TENM2: variants seen among roughly 807,000 people sequenced by gnomAD.
TENM2 encodes the protein teneurin transmembrane protein 2, also known as teneurin-2.
Under a neutral mutation model 245.2 loss-of-function variants are expected in TENM2, and 52 were observed. The observed-to-expected ratio is 0.21, with a 90% CI of 0.17 to 0.27. The LOEUF is 0.27. TENM2 is among the 10% of genes least tolerant of loss of function. TENM2 has a pLI of 1.00. For missense variants in TENM2, 3,046 were observed against 3,666.8 expected, an observed-to-expected ratio of 0.83 and a Z score of 4.37; for synonymous variants, 1,363 against 1,438.9, an observed-to-expected ratio of 0.95 and a Z score of 1.19.
intron 2 of TENM2, among the ~76,000 whole-genome samples, chr5:167,432,762 G>A (rs745673809): frequency 2.0e-5 from 3 of 151,626 alleles, no homozygotes; most frequent in East Asian, 1.9e-4. Context: ...CATTTCCACC[G>A]CACATCTGAG....
At chr5:167,838,923 G>T (rs1010831836) in intron 2 of TENM2, among the ~76,000 whole-genome samples, 1 of 152,162 alleles carries the variant, frequency 6.6e-6, no homozygotes, top group Non-Finnish European at 1.5e-5. Flanking sequence ...GGCTGAGACC[G>T]CAGGGCGTGG....
chr5:167,909,091 A>C (rs1461417445), intron 3 of TENM2, among the ~76,000 whole-genome samples: 1 of 148,734 alleles, frequency 6.7e-6, no homozygotes, highest in Admixed American at 6.7e-5. Flanking sequence ...TTTTAGTAAA[A>C]ATTGAACCAG....
At chr5:167,509,597 A>C (rs993400396) in intron 2 of TENM2, among the ~76,000 whole-genome samples, 19 of 152,152 alleles carry the variant, frequency 1.2e-4, no homozygotes, top group Admixed American at 1.2e-3. Context: ...GGAATCTAAT[A>C]ATTTGAGGTT....
At chr5:167,385,119 G>A (rs897607685) in intron 2 of TENM2, among the ~76,000 whole-genome samples, 1 of 152,104 alleles carries the variant, frequency 6.6e-6, no homozygotes, top group African/African-American at 2.4e-5. Context: ...CTTTGCACAA[G>A]GAAAGAAGTC....
At chr5:167,301,821 G>A (rs1011181387) in intron 1 of TENM2, among the ~76,000 whole-genome samples, 1 of 152,124 alleles carries the variant, frequency 6.6e-6, no homozygotes, top group African/African-American at 2.4e-5. Flanking sequence ...CTTTTTAAGA[G>A]TAAATTGCTG....
intron 2 of TENM2, among the ~76,000 whole-genome samples, chr5:167,667,995 A>G (rs928061070): frequency 2.0e-5 from 3 of 152,228 alleles, no homozygotes; most frequent in Admixed American, 1.3e-4. Context: ...TGCAAATCAA[A>G]TAAGATATTG....
chr5:167,292,945 G>A (rs1460197211), intron 1 of TENM2, among the ~76,000 whole-genome samples: 4 of 152,172 alleles, frequency 2.6e-5, no homozygotes, highest in Admixed American at 1.3e-4. Context: ...CATGGCATGT[G>A]CAAAGGCCCA....
chr5:167,232,121 C>T, the TENM2 span, among the ~76,000 whole-genome samples: 1 of 152,156 alleles, frequency 6.6e-6, no homozygotes, highest in Non-Finnish European at 1.5e-5. Flanking sequence ...GAGAACTTGC[C>T]TGCAAGGATG....
At chr5:168,220,604 C>A (rs570262268) in intron 23 of TENM2, among the ~76,000 whole-genome samples, 1 of 152,178 alleles carries the variant, frequency 6.6e-6, no homozygotes, top group Admixed American at 6.5e-5. Context: ...ATAGGGTTTT[C>A]TTTTCTACCT....
At chr5:167,323,840 G>A (rs536909303) in intron 1 of TENM2, among the ~76,000 whole-genome samples, 3 of 152,238 alleles carry the variant, frequency 2.0e-5, no homozygotes, top group South Asian at 2.1e-4. Flanking sequence ...AAATATCAAC[G>A]TCACCTGTGA....
chr5:167,696,210 G>GT (rs1254104786), intron 2 of TENM2, among the ~76,000 whole-genome samples: 1 of 152,082 alleles, frequency 6.6e-6, no homozygotes, highest in African/African-American at 2.4e-5. Context: ...ACCTGTGAGT[G>GT]TTTTTTCCTT....
intron 2 of TENM2, among the ~76,000 whole-genome samples, chr5:167,434,643 A>G (rs1476666671): frequency 6.6e-6 from 1 of 152,108 alleles, no homozygotes; most frequent in Non-Finnish European, 1.5e-5. Flanking sequence ...ATGATTAAGA[A>G]GTCCACAACA....
the TENM2 span, among the ~76,000 whole-genome samples, chr5:167,079,814 C>T: frequency 6.6e-6 from 1 of 152,120 alleles, no homozygotes; most frequent in Non-Finnish European, 1.5e-5. Context: ...AGTGCCATAG[C>T]TACTTCGAGG....
chr5:167,501,484 A>G (rs371097368), intron 2 of TENM2, among the ~76,000 whole-genome samples: 6 of 152,166 alleles, frequency 3.9e-5, no homozygotes, highest in African/African-American at 1.4e-4. Context: ...GTTGATTGTA[A>G]TGTTGGCAGA....
chr5:168,236,937 ATCATATATATATATAT>A (rs1765470961), intron 25 of TENM2, among the ~76,000 whole-genome samples: 2 of 61,298 alleles, frequency 3.3e-5, no homozygotes, highest in Non-Finnish European at 5.9e-5. Context: ...AGATGTCCTA[ATCATATATATATATAT>A]ATATATATAT....
Position 167,931,726 on chromosome 5 carries a change from A to G in TENM2, c.713-20862A>G, listed in dbSNP as rs1019104331. 3.9e-5 allele frequency among the ~76,000 whole-genome samples: 6 copies of G among 152,214 alleles called. No individual in the cohort carries two copies. In the South Asian group the frequency reaches 6.2e-4, roughly 16 times the overall value. On this transcript the variant is annotated intron_variant, in intron 3 of 28. Transcript: ENST00000518659. ...TCGTTCATGTGTGTTGGGAAATAATATATACTGCTAATTGCTTCAGAAATA... is the reference window on the plus strand; with the variant it reads ...TCGTTCATGTGTGTTGGGAAATAATGTATACTGCTAATTGCTTCAGAAATA...
intron 5 of TENM2, among the ~76,000 whole-genome samples, chr5:168,007,838 A>T (rs777286594): frequency 6.6e-6 from 1 of 152,106 alleles, no homozygotes; most frequent in Admixed American, 6.6e-5. Context: ...TCAACTCTCA[A>T]CTTCTTCTAA....
At chr5:167,811,969 T>C (rs1766674849) in intron 2 of TENM2, among the ~76,000 whole-genome samples, 1 of 152,118 alleles carries the variant, frequency 6.6e-6, no homozygotes, top group Non-Finnish European at 1.5e-5. Flanking sequence ...CTAGAGCACA[T>C]ACACAAGGAC....
chr5:167,236,604 G>C, the TENM2 span, among the ~76,000 whole-genome samples: 2 of 152,130 alleles, frequency 1.3e-5, no homozygotes. Context: ...CCTTCAAATG[G>C]TTCATGTGGT....
Sources: gnomAD v4.1 joint callset for allele counts (sites outside exome capture counted in the v4.1 genomes callset) on GRCh38, gnomAD v4.1.1 for gene constraint, MANE v1.5 for transcripts, NCBI Gene and HGNC (gene_info 2026-07-23, HGNC 2026-07-21) for gene names.